DMD: variants seen among roughly 807,000 people sequenced by gnomAD.
DMD encodes the protein dystrophin.
Under a neutral mutation model 330.1 loss-of-function variants are expected in DMD, and 63 were observed. The ratio of observed to expected loss-of-function variants is 0.19; its 90% confidence interval spans 0.16 to 0.24. The LOEUF is 0.24. DMD is among the 10% of genes least tolerant of loss of function. The probability of loss-of-function intolerance (pLI) is 1.00; values close to 1 mark genes in which losing one functional copy is unlikely to be tolerated. For missense variants in DMD, 3,344 were observed against 2,684.1 expected (o/e 1.25, Z -5.43); for synonymous variants, 1,223 against 959.8 (o/e 1.27, Z -5.07).
chrX:32,260,330 G>A (rs995803989), intron 43 of DMD, among the ~76,000 whole-genome samples: 1 of 111,595 alleles, frequency 9.0e-6, no homozygotes, highest in African/African-American at 3.3e-5. Context: ...GACTTTATAT[G>A]AGCAATAAAT....
At chrX:33,125,143 A>G (rs1245231233) in intron 1 of DMD, among the ~76,000 whole-genome samples, 1 of 110,310 alleles carries the variant, frequency 9.1e-6, no homozygotes, top group Non-Finnish European at 1.9e-5. Context: ...AACAAAAGGG[A>G]AAAACTGGCA....
intron 7 of DMD, among the ~76,000 whole-genome samples, chrX:32,792,350 AAATGTTACCACT>A (rs1248125043): frequency 9.0e-6 from 1 of 111,559 alleles, no homozygotes; most frequent in Non-Finnish European, 1.9e-5. Flanking sequence ...AAAGTTACTC[AAATGTTACCACT>A]AAAGAATACC....
intron 55 of DMD, among the ~76,000 whole-genome samples, chrX:31,600,836 G>A (rs1283899472): frequency 9.5e-6 from 1 of 105,377 alleles, no homozygotes; most frequent in African/African-American, 3.5e-5. Flanking sequence ...TGGGCTCTGA[G>A]AAACCTCTCT....
At chrX:32,309,312 T>G (rs911708084) in intron 42 of DMD, among the ~76,000 whole-genome samples, 1 of 111,584 alleles carries the variant, frequency 9.0e-6, no homozygotes, top group Admixed American at 9.5e-5. Context: ...TTGCCTATAA[T>G]CACATACTGT....
intron 1 of DMD, among the ~76,000 whole-genome samples, chrX:33,228,880 G>A (rs1404717683): frequency 9.1e-6 from 1 of 109,972 alleles, no homozygotes; most frequent in East Asian, 2.8e-4. Flanking sequence ...GTTATTTGGT[G>A]GTAGTGTCAC....
intron 1 of DMD, among the ~76,000 whole-genome samples, chrX:33,082,727 T>A (rs1205861803): frequency 9.0e-6 from 1 of 111,690 alleles, no homozygotes; most frequent in Non-Finnish European, 1.9e-5. Flanking sequence ...AAAGAAAGTA[T>A]CCCCACATGG....
chrX:31,723,062 A>G lies in DMD; in HGVS notation c.7660+6569T>C, dbSNP rs771450458. Among the ~76,000 whole-genome samples the G allele has an allele frequency of 1.8e-4, 18 of 98,892 alleles. No homozygotes were observed. In the South Asian group the frequency reaches 3.0e-3, roughly 16 times the overall value. The allele number at this position is 98,892 out of a possible 115,157, so 85.9% of individuals were successfully genotyped here. A position where few individuals can be genotyped will look rare whatever the true frequency, so the allele number is the denominator to read the frequency against. On this transcript the variant is annotated intron_variant, in intron 52 of 78. Transcript: ENST00000357033. The stretch of plus-strand genomic sequence containing the variant: ...ACTCTGTCTCAAAAAAAAAATTATT[A>G]TTCAGTGTGTGTCTAAATGCTTCTA...
chrX:31,834,927 AAG>A (rs1173004879), intron 49 of DMD, among the ~76,000 whole-genome samples: 1 of 111,694 alleles, frequency 9.0e-6, no homozygotes, highest in Non-Finnish European at 1.9e-5. Context: ...AGGGTTGTGA[AAG>A]AGAAGGAAAG....
chrX:31,919,798 C>T (rs1224687742), intron 47 of DMD, among the ~76,000 whole-genome samples: 1 of 112,157 alleles, frequency 8.9e-6, no homozygotes, highest in African/African-American at 3.2e-5. Context: ...CCTTTTGTTA[C>T]CCATACAGTG....
chrX:32,699,316 C>T (rs2063905838), intron 7 of DMD, 23 bp from the exon 8 acceptor site: 1 of 1,166,663 alleles, frequency 8.6e-7, no homozygotes, highest in Middle Eastern at 2.4e-4. Flanking sequence ...TAACACTACA[C>T]ATCAATTTTT....
rs10652780 is a variant in DMD, at chrX:32,292,302, C to CTTTTTTTTTTTTTTTTTTTTTTTTTTT, written c.6118-4602_6118-4601insAAAAAAAAAAAAAAAAAAAAAAAAAAA. Among the ~76,000 whole-genome samples the CTTTTTTTTTTTTTTTTTTTTTTTTTTT allele has an allele frequency of 1.2e-3, 78 of 62,899 alleles. 18 individuals carry two copies. Among genetic ancestry groups the CTTTTTTTTTTTTTTTTTTTTTTTTTTT allele is most frequent in the East Asian group, 3.4e-3 (5 of 1,464 alleles). 54.6% of individuals were successfully genotyped at this position (62,899 alleles called of 115,157 possible). A position where few individuals can be genotyped will look rare whatever the true frequency, so the allele number is the denominator to read the frequency against. ...AACAAATATCAACAAAGGGAATATT[C>CTTTTTTTTTTTTTTTTTTTTTTTTTTT]TTTTTTTTTTTTTTTTGAGATGGAG... On this transcript the variant is annotated intron_variant, in intron 42 of 78. Coordinates refer to ENST00000357033, the MANE Select transcript of DMD (RefSeq NM_004006.3).
At chrX:31,226,930 T>C (rs1372586351) in intron 63 of DMD, among the ~76,000 whole-genome samples, 1 of 112,116 alleles carries the variant, frequency 8.9e-6, no homozygotes, top group Non-Finnish European at 1.9e-5. Flanking sequence ...GGGATAAGCA[T>C]CCAATCCCAA....
chrX:31,328,914 A>G (rs1157933312), intron 61 of DMD, among the ~76,000 whole-genome samples: 15 of 112,252 alleles, frequency 1.3e-4, no homozygotes, highest in Non-Finnish European at 2.8e-4. Flanking sequence ...AATGTGCCAC[A>G]TGTAGTATAA....
chrX:32,050,719 A>G (rs1444941010), intron 44 of DMD, among the ~76,000 whole-genome samples: 5 of 111,318 alleles, frequency 4.5e-5, no homozygotes, highest in Admixed American at 9.6e-5. Flanking sequence ...TTTTTCATCC[A>G]GTTCAAAATG....
chrX:31,444,024 C>A (rs927589692), intron 60 of DMD, among the ~76,000 whole-genome samples: 1 of 110,383 alleles, frequency 9.1e-6, no homozygotes, highest in Non-Finnish European at 1.9e-5. Context: ...CGGTAGTGAG[C>A]GAGGTTTTGC....
At chrX:31,595,000 T>G (rs2148160666) in intron 55 of DMD, among the ~76,000 whole-genome samples, 1 of 111,851 alleles carries the variant, frequency 8.9e-6, no homozygotes, top group African/African-American at 3.2e-5. Context: ...TTATTTGTAC[T>G]TTATAATAGC....
At chrX:31,173,514 G>T (rs779495674) in intron 72 of DMD, 25 bp downstream of exon 72, 4 of 1,189,214 alleles carry the variant, frequency 3.4e-6, no homozygotes, top group Non-Finnish European at 4.6e-6. Flanking sequence ...ATCAATATTT[G>T]CCTGGCATAC....
At chrX:32,432,218 C>G (rs1472410132) in intron 29 of DMD, among the ~76,000 whole-genome samples, 7 of 111,515 alleles carry the variant, frequency 6.3e-5, no homozygotes, top group African/African-American at 2.3e-4. Context: ...CATTATCTTA[C>G]TGATAGAACC....
chrX:32,636,489 C>T (rs1386468621), intron 11 of DMD, among the ~76,000 whole-genome samples: 1 of 112,013 alleles, frequency 8.9e-6, no homozygotes, highest in Non-Finnish European at 1.9e-5. Flanking sequence ...TGTTTTTATA[C>T]TGAATTCTAT....
Sources: gnomAD v4.1 joint callset for allele counts (sites outside exome capture counted in the v4.1 genomes callset) on GRCh38, gnomAD v4.1.1 for gene constraint, MANE v1.5 for transcripts, NCBI Gene and HGNC (gene_info 2026-07-23, HGNC 2026-07-21) for gene names.